Variants in SCAMP1 observed in about 807,000 individuals in gnomAD.
The protein encoded by SCAMP1 is secretory carrier-associated membrane protein 1.
In SCAMP1, 15 loss-of-function variants were observed where a neutral mutation model predicts 41.8. That is an observed-to-expected ratio of 0.36 (90% CI 0.24 to 0.55). The LOEUF is 0.55. Ranked by LOEUF, SCAMP1 falls within the 20% of genes least tolerant of loss-of-function variation. The pLI is 0.86. For missense variants in SCAMP1, 341 were observed against 412.6 expected, an observed-to-expected ratio of 0.83 and a Z score of 1.50; for synonymous variants, 135 against 136.8, an observed-to-expected ratio of 0.99 and a Z score of 0.09.
chr5:78,422,913 T>G (rs1224140060), intron 6 of SCAMP1, among the ~76,000 whole-genome samples: 1 of 152,174 alleles, frequency 6.6e-6, no homozygotes, highest in African/African-American at 2.4e-5. Flanking sequence ...GTTTAAAGGA[T>G]ATATTAGGGA....
intron 2 of SCAMP1, among the ~76,000 whole-genome samples, chr5:78,397,625 T>C (rs1368495659): frequency 6.6e-6 from 1 of 152,098 alleles, no homozygotes; most frequent in Non-Finnish European, 1.5e-5. Context: ...AGTTCAATAT[T>C]AAAAAGACAA....
chr5:78,403,068 A>AAACT (rs1421751348), intron 2 of SCAMP1, among the ~76,000 whole-genome samples: 1 of 151,966 alleles, frequency 6.6e-6, no homozygotes, highest in African/African-American at 2.4e-5. Context: ...GCAGGGTTTC[A>AAACT]CCATGTTGGC....
At chr5:78,464,716 C>T (rs1753701251) in intron 8 of SCAMP1, among the ~76,000 whole-genome samples, 1 of 152,118 alleles carries the variant, frequency 6.6e-6, no homozygotes, top group African/African-American at 2.4e-5. Flanking sequence ...CACTACATGC[C>T]ATAAAGCCAT....
intron 2 of SCAMP1, among the ~76,000 whole-genome samples, chr5:78,395,887 C>G (rs902314738): frequency 2.0e-5 from 3 of 152,184 alleles, no homozygotes; most frequent in African/African-American, 7.2e-5. Flanking sequence ...TTACCATATT[C>G]TCTTGGTTAG....
chr5:78,458,151 C>A (rs762145878), intron 7 of SCAMP1, among the ~76,000 whole-genome samples: 1 of 152,154 alleles, frequency 6.6e-6, no homozygotes, highest in African/African-American at 2.4e-5. Context: ...TCTTCTGCGT[C>A]GCTCTCGCTG....
At chr5:78,395,439 A>G (rs116364090) in intron 2 of SCAMP1, among the ~76,000 whole-genome samples, 203 of 152,272 alleles carry the variant, frequency 1.3e-3, no homozygotes, top group African/African-American at 4.5e-3. Context: ...TTCACACTGG[A>G]TATATTCATT....
intron 6 of SCAMP1, among the ~76,000 whole-genome samples, chr5:78,430,161 GTATT>G (rs1246823303): frequency 4.7e-5 from 2 of 42,342 alleles, no homozygotes; most frequent in African/African-American, 7.6e-5. Flanking sequence ...TATAAATACA[GTATT>G]TATTTATAAA....
Position 78,384,171 on chromosome 5 carries a change from G to GTTTTTTT in SCAMP1, c.58-4664_58-4658dup, listed in dbSNP as rs772536603. Among the ~76,000 whole-genome samples the GTTTTTTT allele has an allele frequency of 7.3e-5, 5 of 68,848 alleles. 1 individual carries two copies. The highest frequency in any genetic ancestry group is 2.5e-4 in the African/African-American group (5 of 19,892). The allele number at this position is 68,848 out of a possible 152,430, so 45.2% of individuals were successfully genotyped here. A position where few individuals can be genotyped will look rare whatever the true frequency, so the allele number is the denominator to read the frequency against. Reference sequence around the variant, plus strand: ...CCTCTTTGGTTAGGTATATTCCCAAGTTTTTTTTCTTTTTTTTTTTTTGCA... The same window carrying GTTTTTTT: ...CCTCTTTGGTTAGGTATATTCCCAAGTTTTTTTTTTTTTTTCTTTTTTTTTTTTTGCA... On this transcript the variant is annotated intron_variant, in intron 1 of 8. Transcript: ENST00000621999.
At chr5:78,421,730 A>AT in intron 5 of SCAMP1, 71 bp from the exon 6 acceptor site, 1 of 1,370,484 alleles carries the variant, frequency 7.3e-7, no homozygotes, top group Non-Finnish European at 1.0e-6. Flanking sequence ...TTTATTTACA[A>AT]TTTTTTGTTG....
chr5:78,416,546 T>A lies in SCAMP1; in HGVS notation c.240T>A (p.His80Gln). 1.3e-6 allele frequency: 2 copies of A among 1,588,838 alleles called. No homozygotes were observed. Among genetic ancestry groups the A allele is most frequent in the Non-Finnish European group, 1.7e-6 (2 of 1,167,780 alleles). The change falls in exon 4 of 9, where the codon CAT becomes CAA. Residue 80 changes from histidine to glutamine, a missense_variant. By Grantham distance (24) the His-to-Gln change is conservative (BLOSUM62 0). Transcript: ENST00000621999. ...HPAYTQIAKE[H>Q]ALAQAELLKR... Reference sequence around the variant, plus strand: ...TATTGATATTTTTTATTTAGGAACATGCATTGGCCCAAGCTGAACTTCTTA... The same window carrying A: ...TATTGATATTTTTTATTTAGGAACAAGCATTGGCCCAAGCTGAACTTCTTA...
chr5:78,404,959 A>C (rs1751896542), intron 2 of SCAMP1, among the ~76,000 whole-genome samples: 1 of 152,170 alleles, frequency 6.6e-6, no homozygotes, highest in Admixed American at 6.5e-5. Flanking sequence ...TGAGCCTCCA[A>C]CAATTTCTTA....
At position 78,419,804 on chromosome 5, in the gene SCAMP1, T is replaced by C. The variant is rs560909779; in HGVS notation, c.472+901T>C. 5.1e-4 allele frequency among the ~76,000 whole-genome samples: 78 copies of C among 152,348 alleles called. 3 individuals carry two copies. In the South Asian group the frequency reaches 0.015, roughly 29 times the overall value. On this transcript the variant is annotated intron_variant, in intron 5 of 8. Coordinates refer to ENST00000621999, the MANE Select transcript of SCAMP1 (RefSeq NM_004866.6). ...AAATCTTTTAGGAGCATTCTTCATG[T>C]ATGTCAAGTTGTTTTGGAATGTGAG...
intron 1 of SCAMP1, among the ~76,000 whole-genome samples, chr5:78,375,774 A>T (rs1751049842): frequency 6.6e-6 from 1 of 152,188 alleles, no homozygotes. Context: ...CTTTTTGCTA[A>T]CATAATTGAA....
rs745454790 is a variant in SCAMP1, at chr5:78,477,960, T to C, written c.*2292T>C. Reference sequence around the variant, plus strand: ...AATCACAGTCATGAAATCATAGTCATAAAATGGTCTTCACACAGCAGTCAT... The same window carrying C: ...AATCACAGTCATGAAATCATAGTCACAAAATGGTCTTCACACAGCAGTCAT... On this transcript the variant is annotated 3_prime_UTR_variant, in exon 9 of 9. Coordinates refer to ENST00000621999, the MANE Select transcript of SCAMP1 (RefSeq NM_004866.6). The C allele has an allele frequency of 5.9e-5, 9 of 152,212 alleles. No homozygotes were observed. The highest frequency in any genetic ancestry group is 8.8e-5 in the Non-Finnish European group (6 of 67,974). The allele number at this position is 152,212 out of a possible 1,614,324, so 9.4% of individuals were successfully genotyped here.
chr5:78,374,871 A>C (rs1751027491), intron 1 of SCAMP1, among the ~76,000 whole-genome samples: 2 of 152,076 alleles, frequency 1.3e-5, no homozygotes, highest in African/African-American at 4.8e-5. Flanking sequence ...ATCATGATTT[A>C]TTGAATAATT....
intron 8 of SCAMP1, among the ~76,000 whole-genome samples, chr5:78,460,962 T>G (rs1254549746): frequency 6.6e-6 from 1 of 151,942 alleles, no homozygotes; most frequent in Non-Finnish European, 1.5e-5. Context: ...TTCACACAAT[T>G]TTCCTGTCTC....
At chr5:78,378,043 A>G (rs560169612) in intron 1 of SCAMP1, among the ~76,000 whole-genome samples, 4 of 152,250 alleles carry the variant, frequency 2.6e-5, no homozygotes, top group African/African-American at 9.6e-5. Context: ...GAGAAAATCG[A>G]GAGAGTTTGA....
chr5:78,431,820 G>T (rs947212185), intron 6 of SCAMP1, among the ~76,000 whole-genome samples: 62 of 151,668 alleles, frequency 4.1e-4, no homozygotes, highest in African/African-American at 1.5e-3. Context: ...TACCTTTAAA[G>T]AATTTTTTTA....
intron 6 of SCAMP1, among the ~76,000 whole-genome samples, chr5:78,431,278 CTTT>C (rs771462979): frequency 7.1e-6 from 1 of 140,006 alleles, no homozygotes; most frequent in Non-Finnish European, 1.6e-5. Flanking sequence ...TGCTTTTGTA[CTTT>C]TTTTTTTTTT....
Sources: allele counts gnomAD v4.1 joint callset (sites outside exome capture counted in the v4.1 genomes callset), GRCh38; gene constraint gnomAD v4.1.1; transcripts MANE v1.5; gene names NCBI Gene and HGNC (gene_info 2026-07-23, HGNC 2026-07-21).